Variants in MINK1 observed in about 807,000 individuals in gnomAD.
The protein encoded by MINK1 is misshapen like kinase 1, also known as misshapen-like kinase 1.
A neutral mutation model predicts 178.4 loss-of-function variants in MINK1; 46 were observed. That is an observed-to-expected ratio of 0.26 (90% confidence interval 0.20 to 0.33). MINK1 has a LOEUF of 0.33. Among genes scored for constraint, MINK1 ranks in the 10% least tolerant of loss-of-function variants. The pLI is 1.00. For synonymous variants in MINK1, 797 were observed against 709.7 expected, an observed-to-expected ratio of 1.12 and a Z score of -1.96; for missense variants, 1,366 against 1,814.9, an observed-to-expected ratio of 0.75 and a Z score of 4.49.
intron 12 of MINK1, among the ~76,000 whole-genome samples, chr17:4,889,321 A>G (rs1342394399): frequency 6.6e-5 from 10 of 152,128 alleles, no homozygotes; most frequent in Admixed American, 5.2e-4. Context: ...ATTTTAGGCT[A>G]GGAGTGCTGG....
At chr17:4,866,515 G>A (rs35869213) in intron 1 of MINK1, among the ~76,000 whole-genome samples, 5,666 of 150,906 alleles carry the variant, frequency 0.038, 157 homozygotes, top group Non-Finnish European at 0.058. Context: ...GGAACTTAGA[G>A]AAGTTAAGTG....
Position 4,850,137 on chromosome 17 carries a change from A to G in MINK1, c.57+16497A>G, listed in dbSNP as rs548205518. Among the ~76,000 whole-genome samples the G allele has an allele frequency of 2.6e-5, 4 of 152,268 alleles. No homozygotes were observed. The South Asian group carries it at 8.3e-4, about 32-fold the overall frequency. On this transcript the variant is annotated intron_variant, in intron 1 of 31. Coordinates refer to ENST00000355280, the MANE Select transcript of MINK1 (RefSeq NM_153827.5). ...CTTCCTTGATTAGACTGTAAGCTCC[A>G]TGAAGGAAGAAGGGACCATTTCTGT...
At chr17:4,848,509 T>C (rs1050600672) in intron 1 of MINK1, among the ~76,000 whole-genome samples, 1 of 152,072 alleles carries the variant, frequency 6.6e-6, no homozygotes, top group Admixed American at 6.5e-5. Flanking sequence ...TACAGGCACC[T>C]GCCACCACAC....
chr17:4,882,721 G>A (rs546962679), intron 4 of MINK1, among the ~76,000 whole-genome samples: 1 of 152,300 alleles, frequency 6.6e-6, no homozygotes, highest in South Asian at 2.1e-4. Context: ...AATGAGTGTG[G>A]CTATAACCCC....
At position 4,894,109 on chromosome 17, in the gene MINK1, C is replaced by A; in HGVS notation, c.2670+16C>A. 1 of 1,601,810 alleles carries A rather than the reference C, an allele frequency of 6.2e-7. No homozygotes were observed. On this transcript the variant is annotated intron_variant, in intron 22 of 31. Coordinates refer to ENST00000355280, the MANE Select transcript of MINK1 (RefSeq NM_153827.5). The surrounding 1 kb of genome is among the most constrained non-coding windows in gnomAD (Gnocchi z 4.1). The stretch of plus-strand genomic sequence containing the variant: ...GGTCCAGCGCGTGAGTGAGCCTCTG[C>A]TCCCTCCCCTGTACCTGTGTGTGCC...
chr17:4,874,963 T>C (rs1967047928), intron 1 of MINK1: 2 of 476,686 alleles, frequency 4.2e-6, no homozygotes, highest in Admixed American at 2.3e-5. Context: ...CAGATCATTA[T>C]GGCTCTAACA....
intron 1 of MINK1, among the ~76,000 whole-genome samples, chr17:4,870,112 C>T (rs1247622565): frequency 6.6e-6 from 1 of 151,470 alleles, no homozygotes; most frequent in African/African-American, 2.4e-5. Context: ...CGGGGTTTCA[C>T]CGTGTAAGCC....
chr17:4,865,014 C>T (rs1003336625), intron 1 of MINK1, among the ~76,000 whole-genome samples: 4 of 152,240 alleles, frequency 2.6e-5, no homozygotes, highest in Non-Finnish European at 4.4e-5. Context: ...CCAAAACCTT[C>T]CTTCCTCCTT....
intron 1 of MINK1, among the ~76,000 whole-genome samples, chr17:4,840,188 G>A (rs1910001060): frequency 6.6e-6 from 1 of 152,102 alleles, no homozygotes; most frequent in African/African-American, 2.4e-5. Flanking sequence ...AAGCTAAACT[G>A]GCATTGCTGC....
intron 14 of MINK1, 63 bp downstream of exon 14, chr17:4,890,798 CAAG>C: frequency 6.6e-7 from 1 of 1,524,314 alleles, no homozygotes; most frequent in Non-Finnish European, 8.9e-7. Flanking sequence ...TGGAGAGCCA[CAAG>C]AAGTAGTAGT....
chr17:4,892,000 C>T (rs1331357050), intron 16 of MINK1, 149 bp from the exon 17 acceptor site: 7 of 771,618 alleles, frequency 9.1e-6, no homozygotes, highest in South Asian at 1.6e-5. Flanking sequence ...CATCCGGCTT[C>T]ATAACCCTGG....
At position 4,894,100 on chromosome 17, in the gene MINK1, G is replaced by T. The variant is rs1353501968; in HGVS notation, c.2670+7G>T. The T allele has an allele frequency of 1.3e-6, 2 of 1,596,408 alleles. No homozygotes were observed. The highest frequency in any genetic ancestry group is 8.5e-7 in the Non-Finnish European group (1 of 1,169,644). On this transcript the variant is annotated splice_region_variant and intron_variant, in intron 22 of 31. Coordinates refer to ENST00000355280, the MANE Select transcript of MINK1 (RefSeq NM_153827.5). This position sits in a 1 kb window ranked among gnomAD's most constrained non-coding sequence, Gnocchi z 4.1. ...CACCATGGTGGTCCAGCGCGTGAGTGAGCCTCTGCTCCCTCCCCTGTACCT... is the reference window on the plus strand; with the variant it reads ...CACCATGGTGGTCCAGCGCGTGAGTTAGCCTCTGCTCCCTCCCCTGTACCT...
At chr17:4,892,090 A>G in intron 16 of MINK1, 59 bp from the exon 17 acceptor site, 1 of 1,403,580 alleles carries the variant, frequency 7.1e-7, no homozygotes, top group African/African-American at 1.4e-5. Flanking sequence ...GTGAGGCTTA[A>G]ACATCTGAGA....
intron 1 of MINK1, among the ~76,000 whole-genome samples, chr17:4,844,379 CATT>C (rs1910693648): frequency 1.3e-5 from 2 of 152,160 alleles, no homozygotes. Context: ...AGGACTAAAA[CATT>C]ATCCATAACG....
In MINK1 at chr17:4,896,918, G is replaced by T; in HGVS notation, c.3915+105G>T. On this transcript the variant is annotated intron_variant, in intron 31 of 31. Transcript: ENST00000355280. This position sits in a 1 kb window ranked among gnomAD's most constrained non-coding sequence, Gnocchi z 4.6. ...GGATGGTGGTGGTGGCTTCCTGAAA[G>T]CGGGCCCCTCTGGGAGCTCAGAGGG... 7 of 1,431,174 alleles carry T rather than the reference G, an allele frequency of 4.9e-6. No homozygotes were observed. The highest frequency in any genetic ancestry group is 6.5e-6 in the Non-Finnish European group (7 of 1,080,794). 88.7% of individuals were successfully genotyped at this position (1,431,174 alleles called of 1,614,324 possible). A position where few individuals can be genotyped will look rare whatever the true frequency, so the allele number is the denominator to read the frequency against.
At chr17:4,881,384 C>T in intron 4 of MINK1, 127 bp downstream of exon 4, 2 of 1,115,482 alleles carry the variant, frequency 1.8e-6, no homozygotes, top group Non-Finnish European at 2.5e-6. Flanking sequence ...TACCCAGCCT[C>T]CCCTGTCCCT....
At chr17:4,879,705 G>A (rs2150985835) in intron 2 of MINK1, among the ~76,000 whole-genome samples, 1 of 152,334 alleles carries the variant, frequency 6.6e-6, no homozygotes, top group African/African-American at 2.4e-5. Context: ...GATGTTGGGG[G>A]AGGAGGGCAA....
chr17:4,869,241 AATT>A (rs1431650780), intron 1 of MINK1, among the ~76,000 whole-genome samples: 50 of 138,490 alleles, frequency 3.6e-4, no homozygotes, highest in Non-Finnish European at 5.3e-4. Context: ...TTAATTTTTA[AATT>A]ATTATTTATT....
chr17:4,869,809 A>T (rs1442965594), intron 1 of MINK1, among the ~76,000 whole-genome samples: 55 of 113,778 alleles, frequency 4.8e-4, no homozygotes, highest in Non-Finnish European at 7.9e-4. Flanking sequence ...TATTTTATTT[A>T]TTATTTTATT....
Sources: allele counts gnomAD v4.1 joint callset (sites outside exome capture counted in the v4.1 genomes callset), GRCh38; gene constraint gnomAD v4.1.1; non-coding constraint Gnocchi (gnomAD v3.1); transcripts MANE v1.5; gene names NCBI Gene and HGNC (gene_info 2026-07-23, HGNC 2026-07-21).